The following IL1RAPL1 variants were observed in gnomAD, a reference collection of about 807,000 sequenced individuals.
IL1RAPL1 encodes the protein interleukin 1 receptor accessory protein like 1, also known as interleukin-1 receptor accessory protein-like 1.
Under a neutral mutation model 48.4 loss-of-function variants are expected in IL1RAPL1, and 3 were observed. That is an observed-to-expected ratio of 0.06 (90% CI 0.03 to 0.16). The LOEUF is 0.16. Among genes scored for constraint, IL1RAPL1 ranks in the 10% least tolerant of loss-of-function variants. IL1RAPL1 has a pLI of 1.00. For synonymous variants in IL1RAPL1, 185 were observed against 187.7 expected, an observed-to-expected ratio of 0.99 and a Z score of 0.12; for missense variants, 349 against 530.6, an observed-to-expected ratio of 0.66 and a Z score of 3.36.
At chrX:28,640,643 G>A (rs753168269) in intron 1 of IL1RAPL1, among the ~76,000 whole-genome samples, 81 of 109,093 alleles carry the variant, frequency 7.4e-4, no homozygotes, top group African/African-American at 2.4e-3. Flanking sequence ...GAGCCACCCC[G>A]TCCAGCCATA....
At chrX:29,898,366 T>C (rs1221691171) in intron 6 of IL1RAPL1, among the ~76,000 whole-genome samples, 1 of 112,086 alleles carries the variant, frequency 8.9e-6, no homozygotes, top group Non-Finnish European at 1.9e-5. Context: ...TTTTCATTAA[T>C]CCAAGATGGT....
chrX:29,142,932 T>G (rs1047815342), intron 2 of IL1RAPL1, among the ~76,000 whole-genome samples: 1 of 111,133 alleles, frequency 9.0e-6, no homozygotes, highest in East Asian at 2.8e-4. Flanking sequence ...TGACCTCAAG[T>G]GATCTGCCTG....
chrX:28,984,311 T>A (rs1443967328), intron 2 of IL1RAPL1, among the ~76,000 whole-genome samples: 2 of 111,568 alleles, frequency 1.8e-5, no homozygotes, highest in Admixed American at 1.9e-4. Context: ...AGTAAAACTT[T>A]AGAGACTTCC....
chrX:29,254,873 A>G (rs1365443753), intron 2 of IL1RAPL1, among the ~76,000 whole-genome samples: 1 of 111,906 alleles, frequency 8.9e-6, no homozygotes, highest in Non-Finnish European at 1.9e-5. Flanking sequence ...CTGTTGATAG[A>G]TTTCTGATTT....
intron 6 of IL1RAPL1, among the ~76,000 whole-genome samples, chrX:29,788,103 TTGTG>T (rs61302840): frequency 0.056 from 6,114 of 108,425 alleles, 397 homozygotes; most frequent in African/African-American, 0.2. Flanking sequence ...ATGATTTAAA[TTGTG>T]TGTGTGTGTG....
chrX:29,865,375 A>T (rs1288826514), intron 6 of IL1RAPL1, among the ~76,000 whole-genome samples: 2 of 111,829 alleles, frequency 1.8e-5, no homozygotes, highest in Non-Finnish European at 3.8e-5. Context: ...TGTCTAAAAA[A>T]TAAGTGCTCT....
chrX:29,486,391 G>T (rs975984727), intron 5 of IL1RAPL1, among the ~76,000 whole-genome samples: 1 of 109,654 alleles, frequency 9.1e-6, no homozygotes, highest in African/African-American at 3.3e-5. Flanking sequence ...GGAGAAATTC[G>T]AATCTCCCCA....
At chrX:29,117,527 G>C (rs891386035) in intron 2 of IL1RAPL1, among the ~76,000 whole-genome samples, 4 of 112,200 alleles carry the variant, frequency 3.6e-5, no homozygotes, top group African/African-American at 1.3e-4. Context: ...TTCTGTACGT[G>C]TTTTTAAATG....
chrX:29,018,650 T>C (rs1926294448), intron 2 of IL1RAPL1, among the ~76,000 whole-genome samples: 1 of 112,090 alleles, frequency 8.9e-6, no homozygotes, highest in African/African-American at 3.2e-5. Flanking sequence ...GAAATGATCT[T>C]CTCAGATTTG....
chrX:28,914,627 C>T (rs1346695472), intron 2 of IL1RAPL1, among the ~76,000 whole-genome samples: 1 of 111,895 alleles, frequency 8.9e-6, no homozygotes, highest in Non-Finnish European at 1.9e-5. Context: ...AATATCTGCA[C>T]TACCTGTACG....
At chrX:29,854,895 GCA>G (rs202098400) in intron 6 of IL1RAPL1, among the ~76,000 whole-genome samples, 34 of 105,135 alleles carry the variant, frequency 3.2e-4, no homozygotes, top group Admixed American at 9.3e-4. Flanking sequence ...TGACCAAATA[GCA>G]CACACACACA....
intron 2 of IL1RAPL1, among the ~76,000 whole-genome samples, chrX:29,110,744 C>G (rs952442581): frequency 5.4e-5 from 6 of 111,399 alleles, no homozygotes; most frequent in African/African-American, 2.0e-4. Flanking sequence ...TGTGTAGTTT[C>G]TGTGAGACGC....
intron 2 of IL1RAPL1, among the ~76,000 whole-genome samples, chrX:28,962,948 T>C (rs1601980333): frequency 9.1e-6 from 1 of 109,532 alleles, no homozygotes; most frequent in East Asian, 2.9e-4. Flanking sequence ...TATTAGCTAC[T>C]ATCAAGTTTT....
chrX:28,833,194 G>A (rs1921114744), intron 2 of IL1RAPL1, among the ~76,000 whole-genome samples: 1 of 111,393 alleles, frequency 9.0e-6, no homozygotes, highest in Non-Finnish European at 1.9e-5. Flanking sequence ...TGGTGTATAG[G>A]TGCCACATAT....
At chrX:29,100,374 G>A (rs1050588393) in intron 2 of IL1RAPL1, among the ~76,000 whole-genome samples, 1 of 111,662 alleles carries the variant, frequency 9.0e-6, no homozygotes, top group African/African-American at 3.3e-5. Context: ...CAGAAGAGCT[G>A]TAAAGAGACC....
At chrX:28,731,696 A>T in intron 1 of IL1RAPL1, among the ~76,000 whole-genome samples, 1 of 111,730 alleles carries the variant, frequency 9.0e-6, no homozygotes, top group Non-Finnish European at 1.9e-5. Context: ...AGAAGATCAG[A>T]ATACTACGGA....
intron 2 of IL1RAPL1, among the ~76,000 whole-genome samples, chrX:28,952,102 C>T (rs182697921): frequency 1.5e-4 from 17 of 111,045 alleles, no homozygotes. Context: ...TTTCCCCATA[C>T]ACACTTTCAT....
At chrX:29,164,874 T>C (rs961686618) in intron 2 of IL1RAPL1, among the ~76,000 whole-genome samples, 1 of 111,763 alleles carries the variant, frequency 8.9e-6, no homozygotes, top group Non-Finnish European at 1.9e-5. Flanking sequence ...ATGGGTATTT[T>C]GTTACTATCC....
chrX:29,920,432 A>G (rs945127694), intron 8 of IL1RAPL1, among the ~76,000 whole-genome samples: 11 of 111,498 alleles, frequency 9.9e-5, no homozygotes, highest in African/African-American at 3.6e-4. Context: ...AAATAAGACA[A>G]AAAAATGTGA....
Sources: allele counts gnomAD v4.1 joint callset (sites outside exome capture counted in the v4.1 genomes callset), GRCh38; gene constraint gnomAD v4.1.1; transcripts MANE v1.5; gene names NCBI Gene and HGNC (gene_info 2026-07-23, HGNC 2026-07-21).